Variants in ADGRA3 observed in about 807,000 individuals in gnomAD.
ADGRA3 encodes adhesion G protein-coupled receptor A3.
ADGRA3 carries 56 observed loss-of-function variants against 119.8 expected under a neutral mutation model. The observed-to-expected ratio is 0.47, with a 90% CI of 0.38 to 0.58. ADGRA3 has a LOEUF of 0.58. Among genes scored for constraint, ADGRA3 ranks in the 20% least tolerant of loss-of-function variants. The pLI is 0.00. For missense variants in ADGRA3, 1,516 were observed against 1,649.0 expected (o/e 0.92, Z 1.40); for synonymous variants, 607 against 623.8 (o/e 0.97, Z 0.40).
chr4:22,470,067 C>CTACA (rs1296564223), intron 2 of ADGRA3, among the ~76,000 whole-genome samples: 1 of 152,138 alleles, frequency 6.6e-6, no homozygotes, highest in African/African-American at 2.4e-5. Context: ...TTTAAATCAG[C>CTACA]TACATGGAAA....
At chr4:22,500,382 G>C (rs1719010285) in intron 1 of ADGRA3, among the ~76,000 whole-genome samples, 1 of 152,208 alleles carries the variant, frequency 6.6e-6, no homozygotes, top group African/African-American at 2.4e-5. Context: ...TCATAAAGCT[G>C]TTTTAGCAAT....
intron 11 of ADGRA3, among the ~76,000 whole-genome samples, chr4:22,421,357 A>T (rs910765634): frequency 1.3e-5 from 2 of 152,140 alleles, no homozygotes; most frequent in African/African-American, 4.8e-5. Flanking sequence ...CAGGTCTAAG[A>T]AGTCAATTAA....
At chr4:22,420,185 G>A (rs943759658) in intron 12 of ADGRA3, 2 of 152,152 alleles carry the variant, frequency 1.3e-5, no homozygotes, top group African/African-American at 2.4e-5. Flanking sequence ...AGTACTGTGA[G>A]ATTAAAAACC....
chr4:22,444,225 A>G (rs2109075882), intron 6 of ADGRA3, among the ~76,000 whole-genome samples: 1 of 152,288 alleles, frequency 6.6e-6, no homozygotes, highest in African/African-American at 2.4e-5. Context: ...AGATTTACAT[A>G]CAAAGCTGAT....
intron 2 of ADGRA3, among the ~76,000 whole-genome samples, chr4:22,470,042 T>C (rs1223307536): frequency 6.6e-6 from 1 of 152,208 alleles, no homozygotes; most frequent in African/African-American, 2.4e-5. Flanking sequence ...GCACCTTAAA[T>C]GTTTGTTGAA....
intron 2 of ADGRA3, among the ~76,000 whole-genome samples, chr4:22,467,674 A>C (rs1211251897): frequency 6.6e-6 from 1 of 152,214 alleles, no homozygotes; most frequent in Non-Finnish European, 1.5e-5. Context: ...AAAATTCTTG[A>C]CATATTATAT....
intron 2 of ADGRA3, among the ~76,000 whole-genome samples, chr4:22,467,202 G>C (rs2109110881): frequency 6.6e-6 from 1 of 152,200 alleles, no homozygotes; most frequent in South Asian, 2.1e-4. Flanking sequence ...AAGTAAATTG[G>C]TAATATGAAA....
rs149797128 is a variant in ADGRA3 at position 22,388,777 on chromosome 4, T to C, written c.2894A>G (p.Asn965Ser). ...PTEEQQRLAA[N>S]ENGEINHQDS... ...CTGATGATTTATTTCGCCATTTTCA[T>C]TGGCTGCCAATCTCTGTTGCTCCTC... The change falls in exon 19 of 19, where the codon AAT becomes AGT. Residue 965 changes from asparagine (N) to serine (S), a missense_variant. This residue lies in a region of ADGRA3 where 1,088 missense variants were observed against 1,107.1 expected (regional missense o/e 0.98). Coordinates refer to ENST00000334304, the MANE Select transcript of ADGRA3 (RefSeq NM_145290.4). 4.2e-5 allele frequency: 67 copies of C among 1,614,132 alleles called. No homozygotes were observed. The African/African-American group carries it at 6.8e-4, about 16-fold the overall frequency.
intron 16 of ADGRA3, among the ~76,000 whole-genome samples, chr4:22,396,017 A>G (rs58946984): frequency 1.3e-5 from 2 of 152,166 alleles, no homozygotes; most frequent in South Asian, 2.1e-4. Flanking sequence ...GCAACAAGGT[A>G]TCTTAGATAA....
chr4:22,461,499 C>T (rs1365787703), intron 3 of ADGRA3, among the ~76,000 whole-genome samples: 1 of 152,114 alleles, frequency 6.6e-6, no homozygotes, highest in Non-Finnish European at 1.5e-5. Context: ...GGGGTTTCAC[C>T]ACCTTGGCCA....
chr4:22,492,126 T>C (rs145442805), intron 1 of ADGRA3, among the ~76,000 whole-genome samples: 85 of 152,270 alleles, frequency 5.6e-4, no homozygotes, highest in African/African-American at 1.9e-3. Context: ...ACAGTAGCAC[T>C]GGAAAAATTG....
rs1438882965 is a variant in ADGRA3 at position 22,455,893 on chromosome 4, T to C, written c.402-956A>G. On this transcript the variant is annotated intron_variant, in intron 3 of 18. Coordinates refer to ENST00000334304, the MANE Select transcript of ADGRA3 (RefSeq NM_145290.4). ...CCCTAAAACAATGAATCTTAAGTTT[T>C]ATTAGTTGCTAGACTTGGAATAATT... is the stretch of plus-strand genomic sequence containing the variant. 5 of 1,026,820 alleles carry C rather than the reference T, an allele frequency of 4.9e-6. No individual in the cohort carries two copies. In the Admixed American group the frequency reaches 1.2e-4, roughly 26 times the overall value. The allele number at this position is 1,026,820 out of a possible 1,614,324, so 63.6% of individuals were successfully genotyped here. A position where few individuals can be genotyped will look rare whatever the true frequency, so the allele number is the denominator to read the frequency against.
intron 1 of ADGRA3, among the ~76,000 whole-genome samples, chr4:22,492,480 T>G (rs556801387): frequency 6.6e-6 from 1 of 152,334 alleles, no homozygotes; most frequent in South Asian, 2.1e-4. Flanking sequence ...CTTGATAGCA[T>G]TCAGGGTGAT....
intron 3 of ADGRA3, among the ~76,000 whole-genome samples, chr4:22,456,884 G>A (rs867834200): frequency 1.3e-5 from 2 of 152,092 alleles, no homozygotes; most frequent in African/African-American, 2.4e-5. Context: ...ATCTGTCCTC[G>A]TTTTTCTGTA....
chr4:22,465,053 A>G (rs1717606932), intron 2 of ADGRA3, among the ~76,000 whole-genome samples: 1 of 152,252 alleles, frequency 6.6e-6, no homozygotes, highest in Non-Finnish European at 1.5e-5. Flanking sequence ...GAGGACAAAT[A>G]GTGAAAGGTG....
At chr4:22,512,143 T>A (rs4271996) in intron 1 of ADGRA3, among the ~76,000 whole-genome samples, 37 of 151,852 alleles carry the variant, frequency 2.4e-4, no homozygotes, top group African/African-American at 8.2e-4. Flanking sequence ...TCAAGTGATC[T>A]GCCCATCTCA....
intron 10 of ADGRA3, among the ~76,000 whole-genome samples, chr4:22,429,381 T>C (rs10938897): frequency 6.6e-6 from 1 of 152,024 alleles, no homozygotes; most frequent in East Asian, 2.0e-4. Flanking sequence ...GGAAAATAGA[T>C]CCTCCTCCAA....
At chr4:22,458,084 A>G (rs1474430305) in intron 3 of ADGRA3, among the ~76,000 whole-genome samples, 1 of 152,192 alleles carries the variant, frequency 6.6e-6, no homozygotes, top group Non-Finnish European at 1.5e-5. Context: ...ATATTCTAAA[A>G]GTTCTCATAC....
At chr4:22,493,629 C>T (rs866779316) in intron 1 of ADGRA3, among the ~76,000 whole-genome samples, 6 of 152,062 alleles carry the variant, frequency 3.9e-5, no homozygotes, top group Non-Finnish European at 7.3e-5. Flanking sequence ...GACTTTTTAC[C>T]GAAGGTGGGG....
Sources: allele counts gnomAD v4.1 joint callset (sites outside exome capture counted in the v4.1 genomes callset), GRCh38; gene constraint gnomAD v4.1.1; regional missense constraint gnomAD v4.1.1; transcripts MANE v1.5; gene names NCBI Gene and HGNC (gene_info 2026-07-23, HGNC 2026-07-21).